The following MAS1 variants were observed in gnomAD, a reference collection of about 807,000 sequenced individuals.
MAS1 encodes proto-oncogene Mas.
For missense variants in MAS1, 387 were observed against 409.7 expected (o/e 0.94, Z 0.48); for synonymous variants, 163 against 164.2 (o/e 0.99, Z 0.05).
At chr6:159,891,396 C>T (rs554304076) in intron 1 of MAS1, among the ~76,000 whole-genome samples, 8 of 152,276 alleles carry the variant, frequency 5.3e-5, no homozygotes, top group Non-Finnish European at 8.8e-5. Context: ...GTTGAAACTT[C>T]GCAGTAGCGT....
rs2115128018 is a variant in MAS1, at chr6:159,916,657, T to A, written c.*8724T>A. On this transcript the variant is annotated 3_prime_UTR_variant, in exon 3 of 3. Transcript: ENST00000674077. ...TCCTCTTCATCTTCACTCCAGTGAG[T>A]GGAGCACTGGCACTGTTGCCAGTGA... 1 of 151,870 alleles carries A rather than the reference T, an allele frequency of 6.6e-6. No individual in the cohort carries two copies. Among genetic ancestry groups the A allele is most frequent in the East Asian group, 1.9e-4 (1 of 5,158 alleles). The allele number at this position is 151,870 out of a possible 1,614,324, so 9.4% of individuals were successfully genotyped here.
At chr6:159,904,464 T>C (rs1782859184) in intron 2 of MAS1, among the ~76,000 whole-genome samples, 1 of 152,184 alleles carries the variant, frequency 6.6e-6, no homozygotes, top group Non-Finnish European at 1.5e-5. Context: ...TATTCTCTCT[T>C]TCTACCACAA....
rs2115125841 is a variant in MAS1, at chr6:159,914,222, A to G, written c.*6289A>G. 6.6e-6 allele frequency: 1 copy of G among 152,260 alleles called. No individual in the cohort carries two copies. Among genetic ancestry groups the G allele is most frequent in the South Asian group, 2.1e-4 (1 of 4,820 alleles). 9.4% of individuals were successfully genotyped at this position (152,260 alleles called of 1,614,324 possible). A position where few individuals can be genotyped will look rare whatever the true frequency, so the allele number is the denominator to read the frequency against. On this transcript the variant is annotated 3_prime_UTR_variant, in exon 3 of 3. Transcript: ENST00000674077. ...CTGTCAGACATTTCGGAGATCTTCAATTCTTCTGGGTCCATTGCTACAGCT... is the reference window on the plus strand; with the variant it reads ...CTGTCAGACATTTCGGAGATCTTCAGTTCTTCTGGGTCCATTGCTACAGCT...
chr6:159,900,408 G>A (rs1782808753), intron 2 of MAS1, among the ~76,000 whole-genome samples: 1 of 152,158 alleles, frequency 6.6e-6, no homozygotes, highest in South Asian at 2.1e-4. Flanking sequence ...CTAGGGTGAC[G>A]AGCACGTAGG....
At chr6:159,896,947 C>A (rs982216314) in intron 1 of MAS1, among the ~76,000 whole-genome samples, 1 of 152,066 alleles carries the variant, frequency 6.6e-6, no homozygotes, top group Admixed American at 6.6e-5. Flanking sequence ...GTTCTTGGCT[C>A]ACTGCAAGCT....
rs748472255 is a variant in MAS1 at position 159,907,427 on chromosome 6, G to T, written c.472G>T (p.Ala158Ser). Residue 158 changes from alanine to serine, a missense_variant, in exon 3 of 3, where the codon GCT becomes TCT. Transcript: ENST00000674077. ...GGCATTGGTCTGTGCCCTTCTGTGG[G>T]CTCTTTCTTGCTTGGTGACCACCAT... ...QSALVCALLWALSCLVTTMEY... is the reference protein window; with the variant it reads ...QSALVCALLWSLSCLVTTMEY... The T allele has an allele frequency of 1.2e-6, 2 of 1,614,036 alleles. No individual in the cohort carries two copies. The highest frequency in any genetic ancestry group is 1.7e-5 in the Admixed American group (1 of 60,014).
chr6:159,898,470 G>A (rs1355418726), intron 1 of MAS1, among the ~76,000 whole-genome samples: 1 of 151,206 alleles, frequency 6.6e-6, no homozygotes, highest in East Asian at 2.0e-4. Context: ...GAGGGGTTTG[G>A]TAGAACAGTG....
At chr6:159,903,261 C>T (rs1201461906) in intron 2 of MAS1, among the ~76,000 whole-genome samples, 1 of 152,090 alleles carries the variant, frequency 6.6e-6, no homozygotes, top group Non-Finnish European at 1.5e-5. Context: ...CGTAGCCCTT[C>T]CCTTCTATGT....
At chr6:159,903,108 C>G (rs1017331491) in intron 2 of MAS1, among the ~76,000 whole-genome samples, 4 of 152,158 alleles carry the variant, frequency 2.6e-5, no homozygotes, top group African/African-American at 9.7e-5. Flanking sequence ...CCTTCCCCTT[C>G]AGTGCCTTTA....
At position 159,907,489 on chromosome 6, in the gene MAS1, T is replaced by A. The variant is rs1782906891; in HGVS notation, c.534T>A (p.Ser178Arg). 6.2e-7 allele frequency: 1 copy of A among 1,613,438 alleles called. No homozygotes were observed. Among genetic ancestry groups the A allele is most frequent in the African/African-American group, 1.3e-5 (1 of 74,684 alleles). Residue 178 changes from serine to arginine, a missense_variant, in exon 3 of 3, where the codon AGT becomes AGA. Ser to Arg is a moderately radical substitution (Grantham distance 110). Coordinates refer to ENST00000674077, the MANE Select transcript of MAS1 (RefSeq NM_002377.4). The part of the protein sequence containing the change: ...YVMCIDREEE[S>R]HSRNDCRAVI... ...TGTGCATCGACAGAGAAGAAGAGAG[T>A]CACTCTCGGAATGACTGCCGAGCAG...
chr6:159,907,010 A>T lies in MAS1; in HGVS notation c.55A>T (p.Thr19Ser). 1 of 1,613,048 alleles carries T rather than the reference A, an allele frequency of 6.2e-7. No homozygotes were observed. Among genetic ancestry groups the T allele is most frequent in the Non-Finnish European group, 8.5e-7 (1 of 1,179,080 alleles). Residue 19 changes from threonine to serine, a missense_variant, in exon 3 of 3, where the codon ACT becomes TCT. By Grantham distance (58) the Thr-to-Ser change is moderately conservative (BLOSUM62 1). Coordinates refer to ENST00000674077, the MANE Select transcript of MAS1 (RefSeq NM_002377.4). ...FVVEEPTNIS[T>S]GRNASVGNAH... ...TGTTGAGGAACCCACGAACATCTCA[A>T]CTGGCAGGAACGCCTCAGTCGGGAA...
chr6:159,893,027 G>C (rs1782718007), intron 1 of MAS1, among the ~76,000 whole-genome samples: 1 of 152,240 alleles, frequency 6.6e-6, no homozygotes, highest in South Asian at 2.1e-4. Flanking sequence ...GGCACAAGCA[G>C]AATAGGCTGT....
intron 2 of MAS1, chr6:159,902,475 C>T (rs957128766): frequency 2.0e-5 from 3 of 152,220 alleles, no homozygotes; most frequent in African/African-American, 7.2e-5. Flanking sequence ...AATACCTCAT[C>T]CATATTTTTG....
At position 159,916,807 on chromosome 6, in the gene MAS1, G is replaced by A. The variant is rs62442660; in HGVS notation, c.*8874G>A. ...GGATAGCAGCCACTCTTGGCTTTGC[G>A]GGCCGTACAGTCTGTGCTGCAATGA... On this transcript the variant is annotated 3_prime_UTR_variant, in exon 3 of 3. Transcript: ENST00000674077. Among the ~76,000 whole-genome samples the A allele has an allele frequency of 6.6e-5, 10 of 152,228 alleles. No homozygotes were observed. The highest frequency in any genetic ancestry group is 1.9e-4 in the East Asian group (1 of 5,200).
chr6:159,897,487 C>G, intron 1 of MAS1, among the ~76,000 whole-genome samples: 1 of 152,192 alleles, frequency 6.6e-6, no homozygotes. Flanking sequence ...ACTCCTAAAC[C>G]ATAATTTTGA....
intron 2 of MAS1, among the ~76,000 whole-genome samples, chr6:159,904,622 C>T (rs767631281): frequency 6.6e-6 from 1 of 152,180 alleles, no homozygotes; most frequent in Non-Finnish European, 1.5e-5. Flanking sequence ...TGCCATGGCC[C>T]CTAGAGTGTC....
intron 2 of MAS1, among the ~76,000 whole-genome samples, chr6:159,906,074 T>A (rs1054670269): frequency 6.6e-6 from 1 of 152,176 alleles, no homozygotes; most frequent in Non-Finnish European, 1.5e-5. Flanking sequence ...CAACTTCTTA[T>A]GGACAAAGTT....
At chr6:159,898,407 A>G (rs1205430376) in intron 1 of MAS1, among the ~76,000 whole-genome samples, 4 of 152,164 alleles carry the variant, frequency 2.6e-5, no homozygotes, top group Non-Finnish European at 5.9e-5. Flanking sequence ...CTGGTTGTGA[A>G]GGTTGGCCTG....
chr6:159,890,130 G>T (rs1782680021), upstream of MAS1, among the ~76,000 whole-genome samples: 1 of 152,172 alleles, frequency 6.6e-6, no homozygotes, highest in Non-Finnish European at 1.5e-5. Context: ...GGCTACCTGA[G>T]ATCCAAGAGA....
Sources: gnomAD v4.1 joint callset for allele counts (sites outside exome capture counted in the v4.1 genomes callset) on GRCh38, gnomAD v4.1.1 for gene constraint, MANE v1.5 for transcripts, NCBI Gene and HGNC (gene_info 2026-07-23, HGNC 2026-07-21) for gene names.